The following ZNF850 variants were observed in gnomAD, a reference collection of about 807,000 sequenced individuals.
ZNF850 encodes zinc finger protein 850.
ZNF850 carries 2 observed loss-of-function variants against 11.9 expected under a neutral mutation model. The observed-to-expected ratio is 0.17, with a 90% confidence interval of 0.07 to 0.53. The LOEUF (loss-of-function observed/expected upper bound fraction) is 0.53. Ranked by LOEUF, ZNF850 falls within the 20% of genes least tolerant of loss-of-function variation. The pLI is 0.94. For missense variants in ZNF850, 1,014 were observed against 1,316.4 expected (o/e 0.77, Z 3.55); for synonymous variants, 381 against 443.0 (o/e 0.86, Z 1.76).
chr19:36,767,470 T>A (rs1255655979), intron 1 of ZNF850, among the ~76,000 whole-genome samples: 2 of 151,988 alleles, frequency 1.3e-5, no homozygotes, highest in Non-Finnish European at 2.9e-5. Context: ...GGCAGGAGAA[T>A]CGCTTGAACC....
At chr19:36,761,468 T>G (rs1600613328) in intron 4 of ZNF850, among the ~76,000 whole-genome samples, 175 bp downstream of exon 4, 1 of 151,710 alleles carries the variant, frequency 6.6e-6, no homozygotes, top group Non-Finnish European at 1.5e-5. Flanking sequence ...ATAATAAAAT[T>G]TTAAAAAGTG....
intron 1 of ZNF850, among the ~76,000 whole-genome samples, chr19:36,766,485 T>G (rs1160879986): frequency 6.6e-6 from 1 of 152,218 alleles, no homozygotes; most frequent in Admixed American, 6.6e-5. Context: ...CACTTTGATT[T>G]TTTCTTATCA....
At chr19:36,755,898 T>A (rs1274206307) in intron 4 of ZNF850, among the ~76,000 whole-genome samples, 1 of 146,680 alleles carries the variant, frequency 6.8e-6, no homozygotes, top group African/African-American at 2.5e-5. Flanking sequence ...ATATATCTAG[T>A]TTTTAGCCTT....
chr19:36,747,597 C>G lies in ZNF850; in HGVS notation c.*170G>C. On this transcript the variant is annotated 3_prime_UTR_variant, in exon 5 of 5. Coordinates refer to ENST00000591344, the MANE Select transcript of ZNF850 (RefSeq NM_001193552.2). ...CTTGCAGTGAGCCGAGATAGCGCCA[C>G]TGCACTCCAGCCTGGGCGACAGAGC... is the stretch of plus-strand genomic sequence containing the variant. 1.6e-6 allele frequency: 1 copy of G among 626,240 alleles called. No homozygotes were observed. The highest frequency in any genetic ancestry group is 2.5e-6 in the Non-Finnish European group (1 of 395,780). The allele number at this position is 626,240 out of a possible 1,614,324, so 38.8% of individuals were successfully genotyped here. A position where few individuals can be genotyped will look rare whatever the true frequency, so the allele number is the denominator to read the frequency against.
In ZNF850 at chr19:36,749,088, C is replaced by T. The variant is rs529731290; in HGVS notation, c.1952G>A (p.Gly651Glu). ...TCCTGAGACACTGACAAAGGCTTTC[C>T]CACATTCCTGACATTGATAAGGTTT... ...GEKPYQCQECGKAFVSVSGLT... is the reference protein window; with the variant it reads ...GEKPYQCQECEKAFVSVSGLT... Residue 651 changes from glycine to glutamate, a missense_variant, in exon 5 of 5, where the codon GGG (glycine) becomes GAG (glutamate). By Grantham distance (98) the Gly-to-Glu change is moderately conservative (BLOSUM62 -2). Coordinates refer to ENST00000591344, the MANE Select transcript of ZNF850 (RefSeq NM_001193552.2). The T allele has an allele frequency of 2.9e-5, 47 of 1,603,890 alleles. No individual in the cohort carries two copies. In the African/African-American group the frequency reaches 6.2e-4, roughly 21 times the overall value.
At chr19:36,750,894 A>C in intron 4 of ZNF850, 90 bp from the exon 5 acceptor site, 1 of 1,306,852 alleles carries the variant, frequency 7.7e-7, no homozygotes, top group East Asian at 2.5e-5. Context: ...CAAACTGAAA[A>C]TAATGTCCTT....
In ZNF850 at chr19:36,748,548, T is replaced by C. The variant is rs1165903641; in HGVS notation, c.2492A>G (p.His831Arg). Residue 831 changes from histidine to arginine, a missense_variant, in exon 5 of 5, where the codon CAT becomes CGT. Transcript: ENST00000591344. ...TTTCTCACCAGTGTGAACTGGCCGATGTTGAATTAGTGCTGAGCGAAGAGT... is the reference window on the plus strand; with the variant it reads ...TTTCTCACCAGTGTGAACTGGCCGACGTTGAATTAGTGCTGAGCGAAGAGT... ...SFTLRSALIQ[H>R]RPVHTGEKRY... The C allele has an allele frequency of 1.3e-6, 2 of 1,537,374 alleles. No individual in the cohort carries two copies. Among genetic ancestry groups the C allele is most frequent in the Non-Finnish European group, 1.7e-6 (2 of 1,146,978 alleles).
chr19:36,750,429 T>A lies in ZNF850; in HGVS notation c.611A>T (p.Lys204Met), dbSNP rs940250469. The A allele has an allele frequency of 6.5e-7, 1 of 1,536,592 alleles. No individual in the cohort carries two copies. The highest frequency in any genetic ancestry group is 8.7e-7 in the Non-Finnish European group (1 of 1,147,008). The change falls in exon 5 of 5, where the codon AAG (lysine) becomes ATG (methionine). Residue 204 changes from lysine to methionine, a missense_variant. Transcript: ENST00000591344. ...EKLYKCKECG[K>M]AFHHFSYLVK... ...AAGATAGGAAAAGTGATGAAAGGCC[T>A]TCCCACACTCCTTACATTTATAGAG... is the stretch of plus-strand genomic sequence containing the variant.
chr19:36,757,617 C>T (rs907015906), intron 4 of ZNF850, among the ~76,000 whole-genome samples: 4 of 150,690 alleles, frequency 2.7e-5, no homozygotes, highest in African/African-American at 9.8e-5. Context: ...AGCGATTCTC[C>T]ATCCTCAGCC....
rs993582391 is a variant in ZNF850, at chr19:36,748,962, C to A, written c.2078G>T (p.Arg693Ile). The A allele has an allele frequency of 1.3e-6, 2 of 1,593,806 alleles. No individual in the cohort carries two copies. The highest frequency in any genetic ancestry group is 1.1e-5 in the South Asian group (1 of 89,264). Residue 693 changes from arginine to isoleucine, a missense_variant, in exon 5 of 5, where the codon AGA becomes ATA. Coordinates refer to ENST00000591344, the MANE Select transcript of ZNF850 (RefSeq NM_001193552.2). ...RQRTYLNQHRRIHTGEKPYEC... is the reference protein window; with the variant it reads ...RQRTYLNQHRIIHTGEKPYEC... Reference sequence around the variant, plus strand: ...ATAAGGTTTCTCACCAGTATGAATTCTCCGATGTTGATTAAGGTATGTACG... The same window carrying A: ...ATAAGGTTTCTCACCAGTATGAATTATCCGATGTTGATTAAGGTATGTACG...
At position 36,762,400 on chromosome 19, in the gene ZNF850, T is replaced by G; in HGVS notation, c.44A>C (p.Asp15Ala). 1 of 1,581,506 alleles carries G rather than the reference T, an allele frequency of 6.3e-7. No homozygotes were observed. The highest frequency in any genetic ancestry group is 8.5e-7 in the Non-Finnish European group (1 of 1,170,444). The change falls in exon 3 of 5, where the codon GAC (aspartate) becomes GCC (alanine). Residue 15 changes from aspartate to alanine, a missense_variant. Asp to Ala is a moderately radical substitution (Grantham distance 126). Coordinates refer to ENST00000591344, the MANE Select transcript of ZNF850 (RefSeq NM_001193552.2). ...GLVMFQDLSI[D>A]FSQEEWECLD... ...GCACTCCCATTCCTCCTGAGAGAAG[T>G]CTATAGACAGATCCTGGAACATGAC...
intron 1 of ZNF850, among the ~76,000 whole-genome samples, chr19:36,768,198 C>T (rs1218076361): frequency 1.4e-5 from 2 of 138,098 alleles, no homozygotes. Flanking sequence ...AGAGCAAGAC[C>T]CTGTCTCAAA....
Position 36,749,110 on chromosome 19 carries a change from G to T in ZNF850, c.1930C>A (p.Pro644Thr). ...TTCCCACATTCCTGACATTGATAAG[G>T]TTTCTCACCAGTATGGATTTGTTGA... ...QHQQIHTGEK[P>T]YQCQECGKAF... Residue 644 changes from proline to threonine, a missense_variant, in exon 5 of 5, where the codon CCT (proline) becomes ACT (threonine). Physicochemically the swap from Pro to Thr is conservative, Grantham distance 38. This residue lies in a region of ZNF850 where 835 missense variants were observed against 1,022.0 expected (regional missense o/e 0.82). Coordinates refer to ENST00000591344, the MANE Select transcript of ZNF850 (RefSeq NM_001193552.2). 6.2e-7 allele frequency: 1 copy of T among 1,603,014 alleles called. No homozygotes were observed.
chr19:36,751,071 A>AAT lies in ZNF850; in HGVS notation c.236-268_236-267insAT, dbSNP rs2040451300. On this transcript the variant is annotated intron_variant, in intron 4 of 4. Transcript: ENST00000591344. Reference sequence around the variant, plus strand: ...ACAGAGCAAGACCCTGTCTTAAAAAAAAAAAAAAAAAAAAAAAGATGGTGT... The same window carrying AAT: ...ACAGAGCAAGACCCTGTCTTAAAAAAATAAAAAAAAAAAAAAAAAGATGGTGT... Among the ~76,000 whole-genome samples, 3 of 151,124 alleles carry AAT rather than the reference A, an allele frequency of 2.0e-5. No homozygotes were observed. In the East Asian group the frequency reaches 5.8e-4, roughly 29 times the overall value.
intron 4 of ZNF850, among the ~76,000 whole-genome samples, chr19:36,751,823 GTTA>G (rs1396445387): frequency 1.3e-5 from 2 of 149,776 alleles, no homozygotes; most frequent in African/African-American, 2.5e-5. Context: ...CTTCAACAAT[GTTA>G]TTATTTAATA....
chr19:36,753,093 A>T (rs976676804), intron 4 of ZNF850, among the ~76,000 whole-genome samples: 11 of 151,724 alleles, frequency 7.3e-5, no homozygotes, highest in African/African-American at 2.7e-4. Flanking sequence ...AACATGACAA[A>T]ACCCCGACTT....
intron 1 of ZNF850, among the ~76,000 whole-genome samples, chr19:36,770,082 C>G (rs1417455437): frequency 6.6e-6 from 1 of 152,188 alleles, no homozygotes; most frequent in African/African-American, 2.4e-5. Flanking sequence ...CCAAAGGATA[C>G]AGATGAAGAG....
chr19:36,770,597 T>A (rs1262589712), intron 1 of ZNF850, among the ~76,000 whole-genome samples: 1 of 149,894 alleles, frequency 6.7e-6, no homozygotes, highest in Non-Finnish European at 1.5e-5. Flanking sequence ...TTCCAGCTAC[T>A]CGGGAGGCTG....
At position 36,748,340 on chromosome 19, in the gene ZNF850, C is replaced by T; in HGVS notation, c.2700G>A (p.Lys900=). The T allele has an allele frequency of 1.3e-6, 2 of 1,593,486 alleles. No homozygotes were observed. Among genetic ancestry groups the T allele is most frequent in the South Asian group, 1.1e-5 (1 of 88,942 alleles). ...IHTGEKPYDC[K]ECGKAFRRRS... ...GACGTCTAAAGGCCTTGCCACATTCCTTACAATCATAGGGTTTCTCACCAG... is the reference window on the plus strand; with the variant it reads ...GACGTCTAAAGGCCTTGCCACATTCTTTACAATCATAGGGTTTCTCACCAG... Residue 900 remains lysine, a synonymous_variant, in exon 5 of 5, where the codon AAG becomes AAA. Coordinates refer to ENST00000591344, the MANE Select transcript of ZNF850 (RefSeq NM_001193552.2).
Sources: gnomAD v4.1 joint callset for allele counts (sites outside exome capture counted in the v4.1 genomes callset) on GRCh38, gnomAD v4.1.1 for gene constraint, gnomAD v4.1.1 regional missense constraint, MANE v1.5 for transcripts, NCBI Gene and HGNC (gene_info 2026-07-23, HGNC 2026-07-21) for gene names.